The following SLC23A2 variants were observed in gnomAD, a reference collection of about 807,000 sequenced individuals.
SLC23A2 encodes the protein Na(+)/L-ascorbic acid transporter 2.
SLC23A2 carries 36 observed loss-of-function variants against 73.3 expected under a neutral mutation model. The ratio of observed to expected loss-of-function variants is 0.49; its 90% CI spans 0.38 to 0.65. The LOEUF (loss-of-function observed/expected upper bound fraction) is 0.65. Ranked by LOEUF, SLC23A2 falls within the 30% of genes least tolerant of loss-of-function variation. The probability of loss-of-function intolerance (pLI) is 0.00; values close to 1 mark genes in which losing one functional copy is unlikely to be tolerated. For missense variants in SLC23A2, 507 were observed against 841.6 expected (o/e 0.60, Z 4.92); for synonymous variants, 343 against 327.3 (o/e 1.05, Z -0.52).
chr20:4,922,429 T>G (rs2122918484), intron 3 of SLC23A2, among the ~76,000 whole-genome samples: 1 of 152,290 alleles, frequency 6.6e-6, no homozygotes, highest in South Asian at 2.1e-4. Context: ...TGTCAACTAC[T>G]TCTGATGCAT....
upstream of SLC23A2, among the ~76,000 whole-genome samples, chr20:5,004,336 G>T (rs1009188134): frequency 2.6e-5 from 4 of 152,102 alleles, no homozygotes; most frequent in African/African-American, 4.8e-5. Context: ...TGTCACCTGT[G>T]GTCAAGCTGG....
chr20:4,950,894 TGAG>T (rs2087190975), intron 2 of SLC23A2, among the ~76,000 whole-genome samples: 1 of 152,190 alleles, frequency 6.6e-6, no homozygotes, highest in African/African-American at 2.4e-5. Context: ...ACAGAAACTT[TGAG>T]GAGCTCAGCA....
chr20:4,873,193 CATT>C (rs1930515089), intron 11 of SLC23A2, among the ~76,000 whole-genome samples: 1 of 152,118 alleles, frequency 6.6e-6, no homozygotes, highest in Non-Finnish European at 1.5e-5. Context: ...TTCTCCTTGT[CATT>C]ATAAAAAATG....
At chr20:4,888,008 T>A (rs1016231828) in intron 6 of SLC23A2, among the ~76,000 whole-genome samples, 2 of 152,202 alleles carry the variant, frequency 1.3e-5, no homozygotes, top group Non-Finnish European at 2.9e-5. Flanking sequence ...CGGTCAATTC[T>A]CAGCTCTTCT....
chr20:4,993,206 C>G (rs2122336224), intron 1 of SLC23A2, among the ~76,000 whole-genome samples: 1 of 151,386 alleles, frequency 6.6e-6, no homozygotes, highest in East Asian at 2.0e-4. Context: ...ATGGCATGAA[C>G]CTGGGAGGTG....
At chr20:4,931,540 T>C (rs1932790642) in intron 3 of SLC23A2, among the ~76,000 whole-genome samples, 1 of 152,146 alleles carries the variant, frequency 6.6e-6, no homozygotes, top group African/African-American at 2.4e-5. Context: ...GAGCATCACT[T>C]GAGCCCTGGA....
At chr20:4,971,946 G>A (rs2087567283) in intron 1 of SLC23A2, among the ~76,000 whole-genome samples, 1 of 152,178 alleles carries the variant, frequency 6.6e-6, no homozygotes, top group Non-Finnish European at 1.5e-5. Context: ...CACACGGGGA[G>A]GGTGCTTCTC....
chr20:4,888,329 CA>C (rs1350152198), intron 6 of SLC23A2, among the ~76,000 whole-genome samples: 1 of 152,200 alleles, frequency 6.6e-6, no homozygotes, highest in Non-Finnish European at 1.5e-5. Context: ...CAGAGACACG[CA>C]AAGCCTAGGC....
chr20:4,906,136 G>A (rs952502814), intron 4 of SLC23A2, among the ~76,000 whole-genome samples: 1 of 152,100 alleles, frequency 6.6e-6, no homozygotes, highest in Non-Finnish European at 1.5e-5. Context: ...TCAGGAGTTC[G>A]AGACCAGTCT....
Position 4,915,354 on chromosome 20 carries a change from A to T in SLC23A2, c.109-2376T>A, listed in dbSNP as rs548465737. ...CTGCTTTTTTAAAAATGGATAATTT[A>T]AAAAAAAAGACATACTCCAAAATGC... On this transcript the variant is annotated intron_variant, in intron 3 of 16. Transcript: ENST00000338244. 3.6e-4 allele frequency among the ~76,000 whole-genome samples: 54 copies of T among 151,712 alleles called. No homozygotes were observed. The East Asian group carries it at 6.5e-3, about 18-fold the overall frequency.
rs1028503255 is a variant in SLC23A2, at chr20:4,991,687, A to G, written c.-282+9719T>C. Reference sequence around the variant, plus strand: ...CAGTGAGCTGAGATCACACCACTGCACTCCAGCCTGGGTGACAGAGAGAGA... The same window carrying G: ...CAGTGAGCTGAGATCACACCACTGCGCTCCAGCCTGGGTGACAGAGAGAGA... On this transcript the variant is annotated intron_variant, in intron 1 of 16. Coordinates refer to ENST00000338244, the MANE Select transcript of SLC23A2 (RefSeq NM_005116.6). Among the ~76,000 whole-genome samples, 65 of 148,754 alleles carry G rather than the reference A, an allele frequency of 4.4e-4. 1 individual carries two copies. The highest frequency in any genetic ancestry group is 1.9e-4 in the Non-Finnish European group (13 of 67,384).
intron 2 of SLC23A2, among the ~76,000 whole-genome samples, chr20:4,937,879 C>T (rs540459768): frequency 4.9e-4 from 75 of 152,224 alleles, no homozygotes; most frequent in Admixed American, 4.0e-3. Context: ...CACCTTCAAG[C>T]TCCTTTTCCA....
At chr20:5,001,245 T>G (rs1342091955) in intron 1 of SLC23A2, among the ~76,000 whole-genome samples, 161 bp downstream of exon 1, 3 of 134,702 alleles carry the variant, frequency 2.2e-5, no homozygotes, top group Admixed American at 7.2e-5. Flanking sequence ...TCCCGGGAGA[T>G]GGGTCGGGGT....
chr20:4,958,054 C>G (rs929012236), intron 2 of SLC23A2, among the ~76,000 whole-genome samples: 2 of 152,116 alleles, frequency 1.3e-5, no homozygotes, highest in African/African-American at 4.8e-5. Context: ...GAAGTAAAAA[C>G]ACTTCATCCA....
chr20:4,978,175 A>G (rs2087673381), intron 1 of SLC23A2, among the ~76,000 whole-genome samples: 1 of 152,194 alleles, frequency 6.6e-6, no homozygotes, highest in African/African-American at 2.4e-5. Flanking sequence ...GCCCCGATTT[A>G]CATTCCTGGC....
intron 2 of SLC23A2, among the ~76,000 whole-genome samples, chr20:4,968,230 T>G (rs542562470): frequency 6.6e-6 from 1 of 152,270 alleles, no homozygotes; most frequent in East Asian, 1.9e-4. Context: ...GGAAGTGAGA[T>G]TAGGGTTAGC....
At chr20:4,870,176 A>C in intron 11 of SLC23A2, 123 bp from the exon 12 acceptor site, 32 of 800,338 alleles carry the variant, frequency 4.0e-5, no homozygotes, top group Non-Finnish European at 5.5e-5. Flanking sequence ...TCTGAAGCTC[A>C]TGGAAACTGT....
At position 4,883,914 on chromosome 20, in the gene SLC23A2, A is replaced by C; in HGVS notation, c.643-91T>G. ...CTACAACCACAACTGATAATTCTGC[A>C]AGGCAATAAGTTATTACATCATCTA... is the stretch of plus-strand genomic sequence containing the variant. On this transcript the variant is annotated intron_variant, in intron 8 of 16. Transcript: ENST00000338244. This position sits in a 1 kb window ranked among gnomAD's most constrained non-coding sequence, Gnocchi z 4.5. 1.1e-6 allele frequency: 1 copy of C among 934,678 alleles called. No individual in the cohort carries two copies. Among genetic ancestry groups the C allele is most frequent in the Non-Finnish European group, 1.6e-6 (1 of 633,002 alleles). The allele number at this position is 934,678 out of a possible 1,614,324, so 57.9% of individuals were successfully genotyped here.
intron 1 of SLC23A2, among the ~76,000 whole-genome samples, chr20:4,989,328 C>A (rs1425199128): frequency 6.6e-6 from 1 of 151,648 alleles, no homozygotes; most frequent in African/African-American, 2.4e-5. Flanking sequence ...TTAAGTATTC[C>A]TTGTATAAAA....
Sources: allele counts gnomAD v4.1 joint callset (sites outside exome capture counted in the v4.1 genomes callset), GRCh38; gene constraint gnomAD v4.1.1; non-coding constraint Gnocchi (gnomAD v3.1); transcripts MANE v1.5; gene names NCBI Gene and HGNC (gene_info 2026-07-23, HGNC 2026-07-21).